The following TENM2 variants were observed in gnomAD, a reference collection of about 807,000 sequenced individuals.
TENM2 encodes the protein teneurin-2.
Under a neutral mutation model 245.2 loss-of-function variants are expected in TENM2, and 52 were observed. The ratio of observed to expected loss-of-function variants is 0.21; its 90% CI spans 0.17 to 0.27. The LOEUF (loss-of-function observed/expected upper bound fraction) is 0.27, where lower values mean the gene tolerates loss of function less well. TENM2 is among the 10% of genes least tolerant of loss of function. The pLI, the probability that TENM2 is intolerant of heterozygous loss-of-function variation, is 1.00. For missense variants in TENM2, 3,046 were observed against 3,666.8 expected (o/e 0.83, Z 4.37); for synonymous variants, 1,363 against 1,438.9 (o/e 0.95, Z 1.19).
At chr5:167,946,271 G>A (rs990368625) in intron 3 of TENM2, among the ~76,000 whole-genome samples, 3 of 152,134 alleles carry the variant, frequency 2.0e-5, no homozygotes, top group South Asian at 2.1e-4. Context: ...GAGCAGGACA[G>A]GACAAGCTGG....
chr5:167,894,932 AGG>A (rs1163825269), intron 3 of TENM2, among the ~76,000 whole-genome samples: 1 of 52,502 alleles, frequency 1.9e-5, no homozygotes, highest in Non-Finnish European at 4.3e-5. Context: ...GAAGGAAGGA[AGG>A]AAGGAAGGAA....
intron 2 of TENM2, among the ~76,000 whole-genome samples, chr5:167,798,190 G>A (rs1765456254): frequency 6.6e-6 from 1 of 152,162 alleles, no homozygotes; most frequent in Admixed American, 6.5e-5. Context: ...CTAACTGCAG[G>A]CCAGAGTCTT....
intron 2 of TENM2, among the ~76,000 whole-genome samples, chr5:167,381,476 A>G (rs1450850537): frequency 6.6e-6 from 1 of 152,212 alleles, no homozygotes; most frequent in East Asian, 1.9e-4. Context: ...TTAGTGCAGT[A>G]TCAAACATTT....
At chr5:167,907,033 G>C (rs1352800442) in intron 3 of TENM2, among the ~76,000 whole-genome samples, 1 of 152,104 alleles carries the variant, frequency 6.6e-6, no homozygotes. Flanking sequence ...GGGAGTTCGA[G>C]ACCAGCCTGA....
intron 5 of TENM2, among the ~76,000 whole-genome samples, chr5:167,993,977 G>A (rs1411866511): frequency 6.6e-6 from 1 of 152,260 alleles, no homozygotes; most frequent in African/African-American, 2.4e-5. Context: ...CAGGGGCAGG[G>A]TGCCACGTGC....
chr5:167,114,468 A>G, the TENM2 span, among the ~76,000 whole-genome samples: 1 of 152,242 alleles, frequency 6.6e-6, no homozygotes, highest in African/African-American at 2.4e-5. Flanking sequence ...CAGGAAAATA[A>G]TCACTGTCAT....
the TENM2 span, among the ~76,000 whole-genome samples, chr5:167,273,276 G>T: frequency 6.6e-6 from 1 of 152,148 alleles, no homozygotes; most frequent in Admixed American, 6.6e-5. Flanking sequence ...TAAAGCCCCA[G>T]CATAGCAGTA....
At chr5:167,772,769 C>T (rs1405912359) in intron 2 of TENM2, among the ~76,000 whole-genome samples, 1 of 152,092 alleles carries the variant, frequency 6.6e-6, no homozygotes, top group African/African-American at 2.4e-5. Flanking sequence ...ACCAGAAGAA[C>T]AAATAAAACC....
At chr5:167,044,724 G>A in the TENM2 span, among the ~76,000 whole-genome samples, 1 of 152,210 alleles carries the variant, frequency 6.6e-6, no homozygotes, top group Non-Finnish European at 1.5e-5. Context: ...AGAGTGTAAT[G>A]TTTCAACAGG....
the TENM2 span, among the ~76,000 whole-genome samples, chr5:167,235,418 C>T: frequency 1.3e-5 from 2 of 152,280 alleles, no homozygotes; most frequent in Non-Finnish European, 2.9e-5. Context: ...CGCAGCTCAA[C>T]TCCCCACAAT....
At chr5:167,185,075 C>T in the TENM2 span, among the ~76,000 whole-genome samples, 1 of 152,114 alleles carries the variant, frequency 6.6e-6, no homozygotes, top group South Asian at 2.1e-4. Context: ...GTTAGGGACC[C>T]CTGCTCTACA....
intron 7 of TENM2, among the ~76,000 whole-genome samples, chr5:168,063,174 T>C (rs1470706945): frequency 6.6e-6 from 1 of 152,214 alleles, no homozygotes; most frequent in Non-Finnish European, 1.5e-5. Context: ...TCAGTATATA[T>C]GAAAAGAATA....
intron 2 of TENM2, among the ~76,000 whole-genome samples, chr5:167,455,770 T>A (rs147514040): frequency 4.6e-5 from 7 of 152,282 alleles, no homozygotes; most frequent in Non-Finnish European, 8.8e-5. Flanking sequence ...CAAGGGTGAT[T>A]ATAGTTTTCA....
Position 168,150,164 on chromosome 5 carries a change from T to G in TENM2, c.2423-12447T>G, listed in dbSNP as rs368675312. Among the ~76,000 whole-genome samples, 6 of 136,566 alleles carry G rather than the reference T, an allele frequency of 4.4e-5. No individual in the cohort carries two copies. The South Asian group carries it at 7.4e-4, about 17-fold the overall frequency. The allele number at this position is 136,566 out of a possible 152,430, so 89.6% of individuals were successfully genotyped here. A position where few individuals can be genotyped will look rare whatever the true frequency, so the allele number is the denominator to read the frequency against. On this transcript the variant is annotated intron_variant, in intron 12 of 28. Transcript: ENST00000518659. ...TGTGAGATCTTTAAGAACAAGACTT[T>G]GTCTCTTTCATTGACTACTGTATGC...
intron 2 of TENM2, among the ~76,000 whole-genome samples, chr5:167,507,503 A>G (rs998773514): frequency 6.6e-6 from 1 of 152,074 alleles, no homozygotes; most frequent in Admixed American, 6.5e-5. Context: ...ACACAGATTG[A>G]AGCAGTACTT....
At chr5:167,926,749 CACACACACACACACAA>C (rs1777797636) in intron 3 of TENM2, among the ~76,000 whole-genome samples, 1 of 148,908 alleles carries the variant, frequency 6.7e-6, no homozygotes, top group African/African-American at 2.6e-5. Flanking sequence ...CACACACACA[CACACACACACACACAA>C]GACCTTAGTG....
chr5:167,764,560 G>A (rs905453699), intron 2 of TENM2, among the ~76,000 whole-genome samples: 1 of 152,110 alleles, frequency 6.6e-6, no homozygotes, highest in African/African-American at 2.4e-5. Context: ...TCTTGCCTTT[G>A]TGTTTCAGAC....
At chr5:167,460,600 C>T (rs552321556) in intron 2 of TENM2, among the ~76,000 whole-genome samples, 11 of 114,014 alleles carry the variant, frequency 9.6e-5, no homozygotes, top group Non-Finnish European at 1.7e-4. Flanking sequence ...AATGGCAAAA[C>T]GTCTTTTTTT....
chr5:167,512,168 C>T (rs1770004991), intron 2 of TENM2, among the ~76,000 whole-genome samples: 1 of 152,076 alleles, frequency 6.6e-6, no homozygotes, highest in African/African-American at 2.4e-5. Flanking sequence ...ACTGGATTGC[C>T]TAGGTAATGT....
Sources: allele counts gnomAD v4.1 joint callset (sites outside exome capture counted in the v4.1 genomes callset), GRCh38; gene constraint gnomAD v4.1.1; transcripts MANE v1.5; gene names NCBI Gene and HGNC (gene_info 2026-07-23, HGNC 2026-07-21).